The following ATF4 variants were observed in gnomAD, a reference collection of about 807,000 sequenced individuals.
ATF4 encodes cyclic AMP-dependent transcription factor ATF-4.
Under a neutral mutation model 21.0 loss-of-function variants are expected in ATF4, and 8 were observed. That is an observed-to-expected ratio of 0.38 (90% CI 0.22 to 0.69). The LOEUF is 0.69. ATF4 is among the 30% of genes least tolerant of loss of function. ATF4 has a pLI of 0.49. For missense variants in ATF4, 549 were observed against 425.9 expected (o/e 1.29, Z -2.54); for synonymous variants, 241 against 166.4 (o/e 1.45, Z -3.45).
chr22:39,522,626 T>C lies in ATF4; in HGVS notation c.*24T>C. The C allele has an allele frequency of 2.0e-6, 3 of 1,511,552 alleles. No individual in the cohort carries two copies. The highest frequency in any genetic ancestry group is 2.7e-6 in the Non-Finnish European group (3 of 1,131,030). The allele number at this position is 1,511,552 out of a possible 1,614,324, so 93.6% of individuals were successfully genotyped here. On this transcript the variant is annotated 3_prime_UTR_variant, in exon 3 of 3. Coordinates refer to ENST00000674920, the MANE Select transcript of ATF4 (RefSeq NM_182810.3). ...AGTTGAGGATAGTCAGGAGCGTCAATGTGCTTGTACATAGAGTGCTGTAGC... is the reference window on the plus strand; with the variant it reads ...AGTTGAGGATAGTCAGGAGCGTCAACGTGCTTGTACATAGAGTGCTGTAGC...
chr22:39,521,254 C>G (rs1930923113), intron 1 of ATF4, 100 bp from the exon 2 acceptor site: 1 of 498,968 alleles, frequency 2.0e-6, no homozygotes, highest in Non-Finnish European at 3.6e-6. Flanking sequence ...TCCCGATTCT[C>G]TAGATGGCCG....
chr22:39,521,381 T>A lies in ATF4; in HGVS notation c.-65T>A. 7.3e-7 allele frequency: 1 copy of A among 1,374,098 alleles called. No individual in the cohort carries two copies. The allele number at this position is 1,374,098 out of a possible 1,614,324, so 85.1% of individuals were successfully genotyped here. A position where few individuals can be genotyped will look rare whatever the true frequency, so the allele number is the denominator to read the frequency against. ...TTCTCACGGCATTCAGCAGCAGCGT[T>A]GCTGTAACCGACAAAGACACCTTCG... On this transcript the variant is annotated 5_prime_UTR_variant, in exon 2 of 3. Coordinates refer to ENST00000674920, the MANE Select transcript of ATF4 (RefSeq NM_182810.3).
rs201312683 is a variant in ATF4 at position 39,522,052 on chromosome 22, T to A, written c.506T>A (p.Val169Asp). Residue 169 changes from valine (V) to aspartate (D), a missense_variant, in exon 3 of 3, where the codon GTC (valine) becomes GAC (aspartate). Val to Asp is a radical substitution (Grantham distance 152). Coordinates refer to ENST00000674920, the MANE Select transcript of ATF4 (RefSeq NM_182810.3). ...FLQPLPLSPG[V>D]LSSTPDHSFS... Reference sequence around the variant, plus strand: ...CAACCTCTTCCCCTTTCCCCAGGGGTCCTGTCCTCCACTCCAGATCATTCC... The same window carrying A: ...CAACCTCTTCCCCTTTCCCCAGGGGACCTGTCCTCCACTCCAGATCATTCC... 8 of 1,613,680 alleles carry A rather than the reference T, an allele frequency of 5.0e-6. No individual in the cohort carries two copies. In the East Asian group the frequency reaches 1.8e-4, roughly 36 times the overall value.
chr22:39,521,269 A>G (rs1339789273), intron 1 of ATF4, 85 bp from the exon 2 acceptor site: 6 of 549,452 alleles, frequency 1.1e-5, no homozygotes, highest in East Asian at 3.0e-5. Context: ...TGGCCGATCT[A>G]GAGAAGTCCC....
rs1437160564 is a variant in ATF4, at chr22:39,522,250, G to T, written c.704G>T (p.Ser235Ile). Reference sequence around the variant, plus strand: ...TCCTATCTGGGGTCTCCTCAGCACAGCCCCTCTACCAGGGGCTCTCCAAAT... The same window carrying T: ...TCCTATCTGGGGTCTCCTCAGCACATCCCCTCTACCAGGGGCTCTCCAAAT... ...PESYLGSPQH[S>I]PSTRGSPNRS... Residue 235 changes from serine to isoleucine, a missense_variant, in exon 3 of 3, where the codon AGC becomes ATC. Coordinates refer to ENST00000674920, the MANE Select transcript of ATF4 (RefSeq NM_182810.3). The T allele has an allele frequency of 1.2e-6, 2 of 1,608,454 alleles. No individual in the cohort carries two copies. The highest frequency in any genetic ancestry group is 2.7e-5 in the African/African-American group (2 of 74,402).
Position 39,521,950 on chromosome 22 carries a change from C to T in ATF4, c.404C>T (p.Pro135Leu), listed in dbSNP as rs140428747. Reference sequence around the variant, plus strand: ...GTCCAGGAGACTAATAAGCAGCCCCCCCAGACGGTGAACCCAATTGGCCAT... The same window carrying T: ...GTCCAGGAGACTAATAAGCAGCCCCTCCAGACGGTGAACCCAATTGGCCAT... ...PLVQETNKQP[P>L]QTVNPIGHLP... The change falls in exon 3 of 3, where the codon CCC becomes CTC. Residue 135 changes from proline (P) to leucine (L), a missense_variant. By Grantham distance (98) the Pro-to-Leu change is moderately conservative. Transcript: ENST00000674920. 2,043 of 1,613,286 alleles carry T rather than the reference C, an allele frequency of 1.3e-3. 16 individuals carry two copies. The African/African-American group carries it at 0.025, about 20-fold the overall frequency.
chr22:39,522,476 C>T lies in ATF4; in HGVS notation c.930C>T (p.Cys310=), dbSNP rs1028467420. ...RAEQEALTGE[C]KELEKKNEAL... is the part of the protein sequence containing the mutation. The stretch of plus-strand genomic sequence containing the variant: ...AGCAGGAGGCTCTTACTGGTGAGTG[C>T]AAAGAGCTGGAAAAGAAGAACGAGG... Residue 310 remains cysteine (C), a synonymous_variant, in exon 3 of 3, where the codon TGC becomes TGT. Transcript: ENST00000674920. 1.9e-6 allele frequency: 3 copies of T among 1,613,398 alleles called. No individual in the cohort carries two copies. Among genetic ancestry groups the T allele is most frequent in the East Asian group, 2.2e-5 (1 of 44,886 alleles).
rs776509275 is a variant in ATF4 at position 39,522,597 on chromosome 22, C to T, written c.1051C>T (p.Pro351Ser). The T allele has an allele frequency of 3.3e-5, 51 of 1,533,328 alleles. No homozygotes were observed. The highest frequency in any genetic ancestry group is 6.7e-5 in the Admixed American group (3 of 45,028). 95.0% of individuals were successfully genotyped at this position (1,533,328 alleles called of 1,614,324 possible). The change falls in exon 3 of 3, where the codon CCC becomes TCC. Residue 351 changes from proline (P) to serine (S), a missense_variant. Physicochemically the swap from Pro to Ser is moderately conservative, Grantham distance 74. Coordinates refer to ENST00000674920, the MANE Select transcript of ATF4 (RefSeq NM_182810.3). ...CAAGGCAAGGGGGAAGAAAAGGGTC[C>T]CCTAGTTGAGGATAGTCAGGAGCGT... ...VRKARGKKRV[P>S] is the part of the protein sequence containing the mutation.
rs149908720 is a variant in ATF4 at position 39,521,452 on chromosome 22, G to A, written c.7G>A (p.Glu3Lys). The A allele has an allele frequency of 3.8e-4, 584 of 1,542,284 alleles. 6 individuals carry two copies. In the East Asian group the frequency reaches 0.011, roughly 28 times the overall value. Residue 3 changes from glutamate to lysine, a missense_variant, in exon 2 of 3, where the codon GAA (glutamate) becomes AAA (lysine). Coordinates refer to ENST00000674920, the MANE Select transcript of ATF4 (RefSeq NM_182810.3). The part of the protein sequence containing the change: MT[E>K]MSFLSSEVLV... ...TCCAGCAAAGCACCGCAACATGACC[G>A]AAATGAGCTTCCTGAGCAGCGAGGT... is the stretch of plus-strand genomic sequence containing the variant.
chr22:39,522,340 G>A lies in ATF4; in HGVS notation c.794G>A (p.Gly265Glu), dbSNP rs1931016067. Residue 265 changes from glycine to glutamate, a missense_variant, in exon 3 of 3, where the codon GGA becomes GAA. Transcript: ENST00000674920. ...CGTCCCAAACCTTACGATCCTCCTG[G>A]AGAGAAGATGGTAGCAGCAAAAGTA... ...SARPKPYDPP[G>E]EKMVAAKVKG... 1 of 1,612,894 alleles carries A rather than the reference G, an allele frequency of 6.2e-7. No homozygotes were observed. Among genetic ancestry groups the A allele is most frequent in the African/African-American group, 1.3e-5 (1 of 74,938 alleles).
At position 39,521,769 on chromosome 22, in the gene ATF4, G is replaced by A; in HGVS notation, c.227-4G>A. ...CTTGGCCCCATCACTCAAATGTTTT[G>A]CAGAGGATGCCTTCTCCGGGACAGA... On this transcript the variant is annotated splice_polypyrimidine_tract_variant and splice_region_variant and intron_variant, in intron 2 of 2. Coordinates refer to ENST00000674920, the MANE Select transcript of ATF4 (RefSeq NM_182810.3). 1.2e-6 allele frequency: 2 copies of A among 1,613,682 alleles called. No homozygotes were observed. The highest frequency in any genetic ancestry group is 1.1e-5 in the South Asian group (1 of 91,064).
chr22:39,521,188 G>T (rs990861611), intron 1 of ATF4, 166 bp from the exon 2 acceptor site: 1 of 283,168 alleles, frequency 3.5e-6, no homozygotes, highest in African/African-American at 2.2e-5. Context: ...CTCCGTGAGC[G>T]TCCATTTTGT....
In ATF4 at chr22:39,522,505, T is replaced by C; in HGVS notation, c.959T>C (p.Leu320Pro). 1 of 1,611,846 alleles carries C rather than the reference T, an allele frequency of 6.2e-7. No individual in the cohort carries two copies. The highest frequency in any genetic ancestry group is 8.5e-7 in the Non-Finnish European group (1 of 1,179,070). ...GAGCTGGAAAAGAAGAACGAGGCTC[T>C]AAAAGAGAGGGCGGATTCCCTGGCC... ...CKELEKKNEA[L>P]KERADSLAKE... Residue 320 changes from leucine to proline, a missense_variant, in exon 3 of 3, where the codon CTA (leucine) becomes CCA (proline). Leu to Pro is a moderately conservative substitution (Grantham distance 98). Transcript: ENST00000674920.
chr22:39,522,270 C>A lies in ATF4; in HGVS notation c.724C>A (p.Pro242Thr), dbSNP rs527474447. The change falls in exon 3 of 3, where the codon CCA (proline) becomes ACA (threonine). Residue 242 changes from proline to threonine, a missense_variant. By Grantham distance (38) the Pro-to-Thr change is conservative. Coordinates refer to ENST00000674920, the MANE Select transcript of ATF4 (RefSeq NM_182810.3). ...PQHSPSTRGS[P>T]NRSLPSPGVL... is the part of the protein sequence containing the mutation. ...GCACAGCCCCTCTACCAGGGGCTCTCCAAATAGGAGCCTCCCATCTCCAGG... is the reference window on the plus strand; with the variant it reads ...GCACAGCCCCTCTACCAGGGGCTCTACAAATAGGAGCCTCCCATCTCCAGG... 1.9e-6 allele frequency: 3 copies of A among 1,607,218 alleles called. No individual in the cohort carries two copies. Among genetic ancestry groups the A allele is most frequent in the African/African-American group, 1.3e-5 (1 of 74,312 alleles).
rs1389028293 is a variant in ATF4, at chr22:39,522,241, C to T, written c.695C>T (p.Pro232Leu). Residue 232 changes from proline (P) to leucine (L), a missense_variant, in exon 3 of 3, where the codon CCT becomes CTT. By Grantham distance (98) the Pro-to-Leu change is moderately conservative. Transcript: ENST00000674920. ...AGCCCAGAGTCCTATCTGGGGTCTC[C>T]TCAGCACAGCCCCTCTACCAGGGGC... ...CMSPESYLGS[P>L]QHSPSTRGSP... 2.5e-6 allele frequency: 4 copies of T among 1,609,044 alleles called. No homozygotes were observed. The Admixed American group carries it at 6.8e-5, about 27-fold the overall frequency.
rs1156490821 is a variant in ATF4 at position 39,521,866 on chromosome 22, C to G, written c.320C>G (p.Thr107Ser). Residue 107 changes from threonine to serine, a missense_variant, in exon 3 of 3, where the codon ACC becomes AGC. Physicochemically the swap from Thr to Ser is moderately conservative, Grantham distance 58 (BLOSUM62 1). Coordinates refer to ENST00000674920, the MANE Select transcript of ATF4 (RefSeq NM_182810.3). Reference protein sequence around the residue: ...DALLGIDDLETMPDDLLTTLD... With the variant: ...DALLGIDDLESMPDDLLTTLD... Reference sequence around the variant, plus strand: ...CTGTTGGGTATAGATGACCTGGAAACCATGCCAGATGACCTTCTGACCACG... The same window carrying G: ...CTGTTGGGTATAGATGACCTGGAAAGCATGCCAGATGACCTTCTGACCACG... The G allele has an allele frequency of 1.1e-5, 18 of 1,614,068 alleles. No individual in the cohort carries two copies. The highest frequency in any genetic ancestry group is 1.4e-5 in the Non-Finnish European group (17 of 1,180,042).
intron 1 of ATF4, chr22:39,521,136 G>T (rs576961618): frequency 2.2e-4 from 43 of 195,376 alleles, no homozygotes; most frequent in African/African-American, 9.1e-4. Flanking sequence ...ACGTGGGGAC[G>T]GAGCGCTTTC....
Position 39,521,643 on chromosome 22 carries a change from G to A in ATF4, c.198G>A (p.Gly66=). The A allele has an allele frequency of 1.2e-6, 2 of 1,614,008 alleles. No homozygotes were observed. The highest frequency in any genetic ancestry group is 1.6e-4 in the Middle Eastern group (1 of 6,084). The change falls in exon 2 of 3, where the codon GGG becomes GGA. Residue 66 remains glycine (G), a synonymous_variant. Transcript: ENST00000674920. ...AGSSEWLAVD[G]LVSPSNNSKE... Reference sequence around the variant, plus strand: ...CCTCCGAATGGCTGGCTGTGGATGGGTTGGTCAGTCCCTCCAACAACAGCA... The same window carrying A: ...CCTCCGAATGGCTGGCTGTGGATGGATTGGTCAGTCCCTCCAACAACAGCA...
intron 2 of ATF4, 25 bp from the exon 3 acceptor site, chr22:39,521,748 G>A: frequency 6.2e-7 from 1 of 1,612,358 alleles, no homozygotes; most frequent in Non-Finnish European, 8.5e-7. Flanking sequence ...GACTCACTTG[G>A]CCCCATCACT....
Sources: allele counts gnomAD v4.1 joint callset, GRCh38; gene constraint gnomAD v4.1.1; transcripts MANE v1.5; gene names NCBI Gene and HGNC (gene_info 2026-07-23, HGNC 2026-07-21).